Variants in GALNT2 observed in about 807,000 individuals in gnomAD.
GALNT2 encodes the protein polypeptide N-acetylgalactosaminyltransferase 2, also known as UDP-GalNAc:polypeptide N-acetylgalactosaminyltransferase 2.
A neutral mutation model predicts 81.4 loss-of-function variants in GALNT2; 31 were observed. The observed-to-expected ratio is 0.38, with a 90% CI of 0.29 to 0.51. The LOEUF (loss-of-function observed/expected upper bound fraction) is 0.51, where lower values mean the gene tolerates loss of function less well. Ranked by LOEUF, GALNT2 falls within the 20% of genes least tolerant of loss-of-function variation. GALNT2 has a pLI of 0.87. For synonymous variants in GALNT2, 303 were observed against 287.4 expected, an observed-to-expected ratio of 1.05 and a Z score of -0.55; for missense variants, 629 against 765.7, an observed-to-expected ratio of 0.82 and a Z score of 2.11.
intron 3 of GALNT2, among the ~76,000 whole-genome samples, chr1:230,223,949 A>G (rs1664631986): frequency 6.6e-6 from 1 of 152,238 alleles, no homozygotes; most frequent in Non-Finnish European, 1.5e-5. Flanking sequence ...TTGTGGGGAG[A>G]ACTGCAAGAG....
intron 1 of GALNT2, among the ~76,000 whole-genome samples, chr1:230,073,654 A>C (rs1340259960): frequency 2.6e-5 from 4 of 152,240 alleles, no homozygotes; most frequent in African/African-American, 9.7e-5. Context: ...AGTCTCACTC[A>C]TAGGCTTACA....
chr1:230,149,115 A>G (rs1662015691), intron 1 of GALNT2, among the ~76,000 whole-genome samples: 1 of 152,214 alleles, frequency 6.6e-6, no homozygotes, highest in Non-Finnish European at 1.5e-5. Context: ...TCCTGGGCTC[A>G]GGCAGTCCAC....
rs1666152812 is a variant in GALNT2 at position 230,271,201 on chromosome 1, C to T, written c.1441-3244C>T. Among the ~76,000 whole-genome samples the T allele has an allele frequency of 6.6e-6, 1 of 152,222 alleles. No homozygotes were observed. On this transcript the variant is annotated intron_variant, in intron 14 of 15. Transcript: ENST00000366672. The surrounding 1 kb of genome is among the most constrained non-coding windows in gnomAD (Gnocchi z 4.2). Reference sequence around the variant, plus strand: ...TCCCCAGCCCCTGTGAGTGCAGGGACGGAACAATGTGCTTCTTCCTGGCCC... The same window carrying T: ...TCCCCAGCCCCTGTGAGTGCAGGGATGGAACAATGTGCTTCTTCCTGGCCC...
chr1:230,222,031 C>CTTTTTTTTTTTTTTT lies in GALNT2; in HGVS notation c.375-13970_375-13969insTTTTTTTTTTTTTTT, dbSNP rs564681409. On this transcript the variant is annotated intron_variant, in intron 3 of 15. Transcript: ENST00000366672. ...TTTATATACATTTCACTGCTTTTCT[C>CTTTTTTTTTTTTTTT]TTTTTTTTTTTTTGAGACAGAGTCT... Among the ~76,000 whole-genome samples, 80 of 96,100 alleles carry CTTTTTTTTTTTTTTT rather than the reference C, an allele frequency of 8.3e-4. 10 individuals carry two copies. Among genetic ancestry groups the CTTTTTTTTTTTTTTT allele is most frequent in the African/African-American group, 2.5e-3 (48 of 19,552 alleles). The allele number at this position is 96,100 out of a possible 152,430, so 63.0% of individuals were successfully genotyped here.
chr1:230,197,113 T>A (rs536657760), intron 2 of GALNT2, among the ~76,000 whole-genome samples: 1 of 152,002 alleles, frequency 6.6e-6, no homozygotes, highest in South Asian at 2.1e-4. Flanking sequence ...TCCTCCACAC[T>A]CCACCTGACA....
At chr1:230,089,433 G>A (rs1054772729) in intron 1 of GALNT2, among the ~76,000 whole-genome samples, 4 of 152,150 alleles carry the variant, frequency 2.6e-5, no homozygotes, top group African/African-American at 7.2e-5. Context: ...GATTACAGGT[G>A]TGAGCCGCAG....
Position 230,127,004 on chromosome 1 carries a change from G to A in GALNT2, c.127-51214G>A, listed in dbSNP as rs188527357. 4.0e-3 allele frequency among the ~76,000 whole-genome samples: 612 copies of A among 152,310 alleles called. 8 individuals are homozygous for A. The highest frequency in any genetic ancestry group is 3.8e-3 in the Non-Finnish European group (256 of 68,024). On this transcript the variant is annotated intron_variant, in intron 1 of 15. Transcript: ENST00000366672. ...GGCGGTTTCCTCTTCCTGGTAGTGG[G>A]TGAATGGAGGTGGGGGGAGCGTCTC...
intron 1 of GALNT2, among the ~76,000 whole-genome samples, chr1:230,152,605 G>A (rs1662124619): frequency 2.0e-5 from 3 of 152,164 alleles, no homozygotes; most frequent in Non-Finnish European, 4.4e-5. Flanking sequence ...AAATTTATTT[G>A]TTACTATGGG....
chr1:230,090,539 A>G (rs1660039355), intron 1 of GALNT2, among the ~76,000 whole-genome samples: 1 of 150,262 alleles, frequency 6.7e-6, no homozygotes, highest in Non-Finnish European at 1.5e-5. Context: ...AAGAATGGGA[A>G]GGGAAGGAGG....
intron 2 of GALNT2, among the ~76,000 whole-genome samples, chr1:230,198,374 C>G (rs113411019): frequency 3.2e-4 from 34 of 106,694 alleles, no homozygotes; most frequent in Admixed American, 4.0e-4. Context: ...AGCCCAGGAG[C>G]GTACGAGGAG....
intron 1 of GALNT2, among the ~76,000 whole-genome samples, chr1:230,084,065 G>A (rs1336360888): frequency 2.6e-5 from 4 of 152,190 alleles, no homozygotes; most frequent in Non-Finnish European, 5.9e-5. Context: ...TTGGACACCC[G>A]AGATTTCCCT....
At chr1:230,238,530 T>C (rs12405296) in intron 6 of GALNT2, among the ~76,000 whole-genome samples, 16,579 of 152,246 alleles carry the variant, frequency 0.11, 1,848 homozygotes, top group East Asian at 0.57. Flanking sequence ...GCTAGGTGGC[T>C]TTCTCAAGGC....
Position 230,203,159 on chromosome 1 carries a change from T to G in GALNT2, c.243T>G (p.Phe81Leu). Residue 81 changes from phenylalanine (F) to leucine (L), a missense_variant, in exon 3 of 16, where the codon TTT becomes TTG. Coordinates refer to ENST00000366672, the MANE Select transcript of GALNT2 (RefSeq NM_004481.5). Reference protein sequence around the residue: ...LPPGKVRWPDFNQEAYVGGTM... With the variant: ...LPPGKVRWPDLNQEAYVGGTM... ...TAGGGAAAGTACGGTGGCCAGACTT[T>G]AACCAGGAAGCTTATGTTGGAGGGA... 1 of 1,614,162 alleles carries G rather than the reference T, an allele frequency of 6.2e-7. No homozygotes were observed. The highest frequency in any genetic ancestry group is 1.3e-5 in the African/African-American group (1 of 75,054).
At chr1:230,222,504 C>T (rs1664581369) in intron 3 of GALNT2, among the ~76,000 whole-genome samples, 1 of 152,064 alleles carries the variant, frequency 6.6e-6, no homozygotes, top group Non-Finnish European at 1.5e-5. Context: ...TTTCTCACCA[C>T]TCTGGAATTC....
chr1:230,122,548 C>T (rs538424169), intron 1 of GALNT2, among the ~76,000 whole-genome samples: 1 of 152,118 alleles, frequency 6.6e-6, no homozygotes, highest in South Asian at 2.1e-4. Flanking sequence ...ACAAAATTTT[C>T]CCCCCAGGGA....
intron 1 of GALNT2, among the ~76,000 whole-genome samples, chr1:230,113,443 T>A (rs1383800284): frequency 6.6e-6 from 1 of 151,986 alleles, no homozygotes. Context: ...TGGGAGCTGT[T>A]ATTGAGGAAC....
intron 15 of GALNT2, among the ~76,000 whole-genome samples, chr1:230,278,955 C>T (rs981180774): frequency 5.8e-4 from 88 of 152,136 alleles, no homozygotes; most frequent in Admixed American, 7.2e-4. Context: ...AGCTTTCATA[C>T]GAAGGCATGC....
At chr1:230,188,216 A>G (rs1348334176) in intron 2 of GALNT2, among the ~76,000 whole-genome samples, 1 of 152,174 alleles carries the variant, frequency 6.6e-6, no homozygotes, top group Admixed American at 6.5e-5. Flanking sequence ...CCCACTTTGG[A>G]GACTACCACT....
At chr1:230,158,582 G>T (rs1244955128) in intron 1 of GALNT2, among the ~76,000 whole-genome samples, 1 of 152,216 alleles carries the variant, frequency 6.6e-6, no homozygotes, top group Non-Finnish European at 1.5e-5. Context: ...CCACAAGAGT[G>T]GAAGCAGCTG....
Sources: allele counts gnomAD v4.1 joint callset (sites outside exome capture counted in the v4.1 genomes callset), GRCh38; gene constraint gnomAD v4.1.1; non-coding constraint Gnocchi (gnomAD v3.1); transcripts MANE v1.5; gene names NCBI Gene and HGNC (gene_info 2026-07-23, HGNC 2026-07-21).